The following KIF16B variants were observed in gnomAD, a reference collection of about 807,000 sequenced individuals.
KIF16B encodes the protein kinesin family member 16B, also known as kinesin-like protein KIF16B.
In KIF16B, 98 loss-of-function variants were observed where a neutral mutation model predicts 156.3. The observed-to-expected ratio is 0.63, with a 90% confidence interval of 0.53 to 0.74. The LOEUF is 0.74. Among genes scored for constraint, KIF16B ranks in the 30% least tolerant of loss-of-function variants. The pLI is 0.00. For missense variants in KIF16B, 1,421 were observed against 1,606.5 expected, an observed-to-expected ratio of 0.88 and a Z score of 1.97; for synonymous variants, 564 against 583.7, an observed-to-expected ratio of 0.97 and a Z score of 0.49.
intron 24 of KIF16B, among the ~76,000 whole-genome samples, chr20:16,324,696 C>T (rs772594598): frequency 2.6e-5 from 4 of 151,954 alleles, no homozygotes; most frequent in African/African-American, 9.7e-5. Flanking sequence ...AAAATCAACC[C>T]GCAGCTGAAT....
At chr20:16,308,812 C>T (rs987065900) in intron 25 of KIF16B, among the ~76,000 whole-genome samples, 3 of 152,242 alleles carry the variant, frequency 2.0e-5, no homozygotes, top group South Asian at 2.1e-4. Context: ...ACCTAAGTTA[C>T]GCTATCTCAC....
At chr20:16,330,555 TG>T (rs890718291) in intron 24 of KIF16B, among the ~76,000 whole-genome samples, 22 of 152,332 alleles carry the variant, frequency 1.4e-4, no homozygotes, top group East Asian at 7.7e-4. Flanking sequence ...TGTTCAAGAA[TG>T]TTTACAGAGA....
At chr20:16,320,783 T>C (rs2063761922) in intron 24 of KIF16B, among the ~76,000 whole-genome samples, 1 of 152,052 alleles carries the variant, frequency 6.6e-6, no homozygotes, top group Non-Finnish European at 1.5e-5. Flanking sequence ...ATTTGGGAGG[T>C]GGGAGAAAAT....
chr20:16,545,543 T>C (rs2070373527), intron 1 of KIF16B, among the ~76,000 whole-genome samples: 1 of 152,176 alleles, frequency 6.6e-6, no homozygotes, highest in Non-Finnish European at 1.5e-5. Context: ...CAAGCGCCTA[T>C]AATCTCAACT....
intron 15 of KIF16B, among the ~76,000 whole-genome samples, chr20:16,419,150 G>A (rs1441193211): frequency 1.3e-5 from 2 of 152,072 alleles, no homozygotes; most frequent in Non-Finnish European, 2.9e-5. Context: ...AGGACCACTA[G>A]CTTTAGGTAT....
intron 24 of KIF16B, among the ~76,000 whole-genome samples, chr20:16,324,595 C>T (rs951745863): frequency 2.6e-5 from 4 of 152,008 alleles, no homozygotes; most frequent in Non-Finnish European, 4.4e-5. Flanking sequence ...TTCTTCTCCA[C>T]TGTCTAGGTT....
At chr20:16,430,028 G>C (rs1481293641) in intron 12 of KIF16B, 46 bp from the exon 13 acceptor site, 3 of 1,561,398 alleles carry the variant, frequency 1.9e-6, no homozygotes, top group East Asian at 2.3e-5. Context: ...TTTGGGAAAA[G>C]AGAACTTCAA....
At chr20:16,467,299 C>T (rs2067519299) in intron 12 of KIF16B, among the ~76,000 whole-genome samples, 1 of 152,098 alleles carries the variant, frequency 6.6e-6, no homozygotes, top group South Asian at 2.1e-4. Flanking sequence ...ACTTCCTGTC[C>T]CCCCACGCCT....
chr20:16,285,490 A>G (rs924522792), intron 25 of KIF16B, among the ~76,000 whole-genome samples: 10 of 152,158 alleles, frequency 6.6e-5, no homozygotes, highest in African/African-American at 2.2e-4. Context: ...GTATCTTTCT[A>G]TGGCATTTTA....
At chr20:16,282,179 G>T (rs1050238502) in intron 25 of KIF16B, among the ~76,000 whole-genome samples, 4 of 151,820 alleles carry the variant, frequency 2.6e-5, no homozygotes, top group African/African-American at 9.7e-5. Flanking sequence ...CTAAAGGCAT[G>T]TGCCACCATG....
In KIF16B at chr20:16,528,422, G is replaced by A; in HGVS notation, c.66C>T (p.Ala22=). The A allele has an allele frequency of 6.2e-7, 1 of 1,612,954 alleles. No homozygotes were observed. The highest frequency in any genetic ancestry group is 1.3e-5 in the African/African-American group (1 of 74,996). The part of the protein sequence containing the change: ...PMNRREKDLE[A]KFIIQMEKSK... ...TTTTCTCCATCTGAATAATGAACTT[G>A]GCCTCCAAGTCCTTTTCCCTGCAAT... Residue 22 remains alanine, a synonymous_variant, in exon 2 of 26, where the codon GCC becomes GCT. Coordinates refer to ENST00000354981, the MANE Select transcript of KIF16B (RefSeq NM_024704.5).
At position 16,497,598 on chromosome 20, in the gene KIF16B, CA is replaced by C; in HGVS notation, c.1242+14del. The C allele has an allele frequency of 6.3e-7, 1 of 1,589,704 alleles. No homozygotes were observed. On this transcript the variant is annotated intron_variant, in intron 11 of 25. Transcript: ENST00000354981. The stretch of plus-strand genomic sequence containing the variant: ...AAAGTTATGATTTAAAAATATAAGT[CA>C]AAGTATCACTTACTCTTGCTTCATT...
In KIF16B at chr20:16,506,030, G is replaced by A. The variant is rs1467252832; in HGVS notation, c.860C>T (p.Ser287Phe). 1 of 1,614,152 alleles carries A rather than the reference G, an allele frequency of 6.2e-7. No homozygotes were observed. Among genetic ancestry groups the A allele is most frequent in the South Asian group, 1.1e-5 (1 of 91,066 alleles). Reference sequence around the variant, plus strand: ...GCCAGGCGTAAGCATACCTAAGGCAGAAATGACGTTCCCCAGAGTCACGAG... The same window carrying A: ...GCCAGGCGTAAGCATACCTAAGGCAAAAATGACGTTCCCCAGAGTCACGAG... ...KSLVTLGNVI[S>F]ALADLSQDAA... The change falls in exon 8 of 26, where the codon TCT (serine) becomes TTT (phenylalanine). Residue 287 changes from serine to phenylalanine, a missense_variant. Ser to Phe is a radical substitution (Grantham distance 155). Transcript: ENST00000354981.
intron 3 of KIF16B, among the ~76,000 whole-genome samples, chr20:16,521,168 T>C (rs1257911599): frequency 6.6e-6 from 1 of 151,282 alleles, no homozygotes; most frequent in Non-Finnish European, 1.5e-5. Context: ...AGAGAATGAG[T>C]TTGATGAATT....
Position 16,573,362 on chromosome 20 carries a change from C to CCGCCCACTTCCCTCT in KIF16B, c.-102_-88dup. The CCGCCCACTTCCCTCT allele has an allele frequency of 7.0e-7, 1 of 1,420,894 alleles. No individual in the cohort carries two copies. 88.0% of individuals were successfully genotyped at this position (1,420,894 alleles called of 1,614,324 possible). A position where few individuals can be genotyped will look rare whatever the true frequency, so the allele number is the denominator to read the frequency against. ...ACGCTGGCTACTCAGATCGCGGCTC[C>CCGCCCACTTCCCTCT]CGCCCACTTCCCTCTCGCCCCCGCC... is the stretch of plus-strand genomic sequence containing the variant. On this transcript the variant is annotated 5_prime_UTR_variant, in exon 1 of 26. Transcript: ENST00000354981.
intron 25 of KIF16B, among the ~76,000 whole-genome samples, chr20:16,280,819 TCA>T (rs2063133267): frequency 7.4e-6 from 1 of 134,918 alleles, no homozygotes; most frequent in African/African-American, 2.9e-5. Context: ...TCCCTGAATT[TCA>T]GTCAACTGCT....
intron 22 of KIF16B, among the ~76,000 whole-genome samples, chr20:16,363,290 C>T (rs2064587330): frequency 6.6e-6 from 1 of 152,120 alleles, no homozygotes; most frequent in Non-Finnish European, 1.5e-5. Flanking sequence ...GAAAAAACTG[C>T]TTCAGAGGTA....
At chr20:16,373,382 T>G (rs2064870226) in intron 20 of KIF16B, among the ~76,000 whole-genome samples, 1 of 152,250 alleles carries the variant, frequency 6.6e-6, no homozygotes, top group African/African-American at 2.4e-5. Flanking sequence ...GACTGTCCGA[T>G]TTCAAATGCT....
intron 12 of KIF16B, among the ~76,000 whole-genome samples, chr20:16,438,219 C>T (rs185994445): frequency 2.0e-5 from 3 of 152,144 alleles, no homozygotes; most frequent in East Asian, 1.9e-4. Flanking sequence ...AACAAGCTGG[C>T]GTTCATCCAG....
Sources: gnomAD v4.1 joint callset for allele counts (sites outside exome capture counted in the v4.1 genomes callset) on GRCh38, gnomAD v4.1.1 for gene constraint, MANE v1.5 for transcripts, NCBI Gene and HGNC (gene_info 2026-07-23, HGNC 2026-07-21) for gene names.